NDST4: variants seen among roughly 807,000 people sequenced by gnomAD.
The protein encoded by NDST4 is N-deacetylase and N-sulfotransferase 4, also known as N-heparan sulfate sulfotransferase 4.
Under a neutral mutation model 100.8 loss-of-function variants are expected in NDST4, and 63 were observed. The ratio of observed to expected loss-of-function variants is 0.62; its 90% CI spans 0.51 to 0.77. The LOEUF (loss-of-function observed/expected upper bound fraction) is 0.77. NDST4 is among the 30% of genes least tolerant of loss of function. The pLI, the probability that NDST4 is intolerant of heterozygous loss-of-function variation, is 0.00. For synonymous variants in NDST4, 377 were observed against 361.8 expected, an observed-to-expected ratio of 1.04 and a Z score of -0.48; for missense variants, 943 against 1,018.4, an observed-to-expected ratio of 0.93 and a Z score of 1.01.
chr4:115,043,951 T>C (rs1006340056), intron 2 of NDST4, among the ~76,000 whole-genome samples: 1 of 152,134 alleles, frequency 6.6e-6, no homozygotes, highest in Non-Finnish European at 1.5e-5. Flanking sequence ...CAAATTTCAT[T>C]ACCATGACCA....
chr4:114,967,780 A>ATT (rs201953131), intron 4 of NDST4, among the ~76,000 whole-genome samples: 2,815 of 152,026 alleles, frequency 0.019, 50 homozygotes, highest in African/African-American at 0.041. Context: ...GTAAATCCAT[A>ATT]TTTTTTTTAA....
intron 2 of NDST4, among the ~76,000 whole-genome samples, chr4:115,045,024 T>G (rs936710189): frequency 6.6e-6 from 1 of 151,832 alleles, no homozygotes; most frequent in African/African-American, 2.4e-5. Flanking sequence ...GTTGGTAGAG[T>G]AATTTTATTA....
chr4:114,906,627 T>C (rs1724953984), intron 6 of NDST4, among the ~76,000 whole-genome samples: 1 of 152,014 alleles, frequency 6.6e-6, no homozygotes, highest in African/African-American at 2.4e-5. Context: ...TGAACCATCT[T>C]TTTTACCTCT....
At chr4:114,833,780 C>T in intron 11 of NDST4, 65 bp from the exon 12 acceptor site, 1 of 970,458 alleles carries the variant, frequency 1.0e-6, no homozygotes, top group Non-Finnish European at 1.6e-6. Context: ...GTGATGCCTT[C>T]CTTTACCTGG....
chr4:115,060,925 G>T lies in NDST4; in HGVS notation c.978+15134C>A, dbSNP rs145685309. ...TTTAGAATAATTTATATTTGGGTAC[G>T]TTGAAATAAGATATTGGAATCTATA... On this transcript the variant is annotated intron_variant, in intron 2 of 13. Coordinates refer to ENST00000264363, the MANE Select transcript of NDST4 (RefSeq NM_022569.3). 2.8e-3 allele frequency among the ~76,000 whole-genome samples: 428 copies of T among 151,832 alleles called. 5 individuals carry two copies. The highest frequency in any genetic ancestry group is 9.4e-3 in the African/African-American group (390 of 41,406).
intron 2 of NDST4, among the ~76,000 whole-genome samples, chr4:115,033,854 G>A (rs1728175509): frequency 6.6e-6 from 1 of 152,028 alleles, no homozygotes; most frequent in Non-Finnish European, 1.5e-5. Context: ...ATTACAAAAA[G>A]ATTATTCTCA....
intron 1 of NDST4, among the ~76,000 whole-genome samples, chr4:115,106,278 A>G (rs959244656): frequency 4.6e-5 from 7 of 152,108 alleles, no homozygotes; most frequent in Non-Finnish European, 1.0e-4. Context: ...GGATGTTGAC[A>G]CTATGGTTCT....
chr4:115,025,398 C>T (rs1371753191), intron 2 of NDST4, among the ~76,000 whole-genome samples: 1 of 152,132 alleles, frequency 6.6e-6, no homozygotes, highest in Non-Finnish European at 1.5e-5. Flanking sequence ...TGGAGAATGT[C>T]TGACTTCACT....
intron 8 of NDST4, among the ~76,000 whole-genome samples, chr4:114,850,858 T>C (rs989299042): frequency 4.6e-5 from 7 of 152,152 alleles, no homozygotes; most frequent in Admixed American, 4.6e-4. Flanking sequence ...GAAGGATGAA[T>C]ATCTGTTCAA....
At chr4:114,973,210 T>G (rs1182282986) in intron 3 of NDST4, among the ~76,000 whole-genome samples, 1 of 152,034 alleles carries the variant, frequency 6.6e-6, no homozygotes, top group Non-Finnish European at 1.5e-5. Flanking sequence ...AATATATACT[T>G]AAATTATATG....
intron 1 of NDST4, among the ~76,000 whole-genome samples, chr4:115,102,331 T>A (rs1190249815): frequency 6.6e-6 from 1 of 152,110 alleles, no homozygotes; most frequent in Non-Finnish European, 1.5e-5. Context: ...ATGTAGAAAT[T>A]TGCTAGCTGA....
rs1167131721 is a variant in NDST4 at position 115,021,329 on chromosome 4, CATATACATATTCCAT to C, written c.979-44070_979-44056del. On this transcript the variant is annotated intron_variant, in intron 2 of 13. Coordinates refer to ENST00000264363, the MANE Select transcript of NDST4 (RefSeq NM_022569.3). ...ATATATTCCACATATACATATTCCACATATACATATTCCATATATACATATTCCATATATACATTC... is the reference window on the plus strand; with the variant it reads ...ATATATTCCACATATACATATTCCACATATACATATTCCATATATACATTC... 1.5e-3 allele frequency among the ~76,000 whole-genome samples: 229 copies of C among 148,584 alleles called. 1 individual carries two copies. The highest frequency in any genetic ancestry group is 5.2e-3 in the African/African-American group (208 of 40,214).
chr4:114,978,762 A>T (rs188827830), intron 2 of NDST4, among the ~76,000 whole-genome samples: 217 of 152,070 alleles, frequency 1.4e-3, no homozygotes, highest in African/African-American at 5.0e-3. Context: ...TGATTTTTAA[A>T]AAAATTTCTC....
chr4:115,098,263 G>C (rs751292591), intron 1 of NDST4, among the ~76,000 whole-genome samples: 2 of 152,048 alleles, frequency 1.3e-5, no homozygotes, highest in African/African-American at 2.4e-5. Flanking sequence ...AAGATAAAAA[G>C]GTCTTACTCA....
intron 6 of NDST4, among the ~76,000 whole-genome samples, chr4:114,913,253 G>A (rs1166551252): frequency 1.3e-5 from 2 of 151,896 alleles, no homozygotes; most frequent in Non-Finnish European, 2.9e-5. Flanking sequence ...GGATTAAAGG[G>A]CTAATTTAGA....
intron 1 of NDST4, among the ~76,000 whole-genome samples, chr4:115,080,304 T>C (rs1729274234): frequency 6.6e-6 from 1 of 152,106 alleles, no homozygotes; most frequent in Non-Finnish European, 1.5e-5. Flanking sequence ...GTCCAGCTAA[T>C]TTTTGTATTT....
At chr4:115,002,947 A>G (rs1244045763) in intron 2 of NDST4, among the ~76,000 whole-genome samples, 1 of 152,136 alleles carries the variant, frequency 6.6e-6, no homozygotes, top group Non-Finnish European at 1.5e-5. Context: ...ATGAAGCTGG[A>G]AACCATCATT....
intron 6 of NDST4, among the ~76,000 whole-genome samples, chr4:114,886,873 A>G (rs1487311352): frequency 6.6e-6 from 1 of 152,204 alleles, no homozygotes; most frequent in East Asian, 1.9e-4. Flanking sequence ...TTGTGAGAGT[A>G]GAGAAGTCTT....
intron 6 of NDST4, among the ~76,000 whole-genome samples, chr4:114,891,746 C>T (rs1040736887): frequency 1.3e-5 from 2 of 152,086 alleles, no homozygotes; most frequent in East Asian, 1.9e-4. Flanking sequence ...CAGAAATGTT[C>T]ACTGCTTTCA....
Sources: gnomAD v4.1 joint callset for allele counts (sites outside exome capture counted in the v4.1 genomes callset) on GRCh38, gnomAD v4.1.1 for gene constraint, MANE v1.5 for transcripts, NCBI Gene and HGNC (gene_info 2026-07-23, HGNC 2026-07-21) for gene names.